The following ADARB2 variants were observed in gnomAD, a reference collection of about 807,000 sequenced individuals.
The protein encoded by ADARB2 is adenosine deaminase RNA specific B2 (inactive).
Under a neutral mutation model 62.2 loss-of-function variants are expected in ADARB2, and 25 were observed. That is an observed-to-expected ratio of 0.40 (90% confidence interval 0.29 to 0.56). The LOEUF is 0.56. Ranked by LOEUF, ADARB2 falls within the 20% of genes least tolerant of loss-of-function variation. The probability of loss-of-function intolerance (pLI) is 0.43; values close to 1 mark genes in which losing one functional copy is unlikely to be tolerated. For missense variants in ADARB2, 1,071 were observed against 1,077.4 expected (o/e 0.99, Z 0.08); for synonymous variants, 572 against 500.8 (o/e 1.14, Z -1.90).
chr10:1,377,037 T>C (rs1832436616), intron 2 of ADARB2, among the ~76,000 whole-genome samples: 1 of 141,858 alleles, frequency 7.0e-6, no homozygotes, highest in South Asian at 2.4e-4. Context: ...GGGGTGTGTG[T>C]GTGCGCATGT....
intron 1 of ADARB2, among the ~76,000 whole-genome samples, chr10:1,601,584 C>T (rs1263964471): frequency 2.6e-5 from 4 of 152,222 alleles, no homozygotes; most frequent in East Asian, 3.9e-4. Flanking sequence ...TTGCATGAAA[C>T]TTGGCATGCT....
intron 8 of ADARB2, among the ~76,000 whole-genome samples, chr10:1,198,869 G>A (rs889863476): frequency 2.6e-5 from 4 of 152,256 alleles, no homozygotes; most frequent in Non-Finnish European, 5.9e-5. Context: ...CCCAGGGAGG[G>A]CAAAACCTGC....
At chr10:1,186,398 A>T in intron 8 of ADARB2, 1 of 475,852 alleles carries the variant, frequency 2.1e-6, no homozygotes, top group South Asian at 1.5e-5. Context: ...CCAGGCTCCC[A>T]CTCACAGCAG....
chr10:1,307,216 G>A (rs1831637788), intron 3 of ADARB2, among the ~76,000 whole-genome samples: 1 of 91,522 alleles, frequency 1.1e-5, no homozygotes, highest in Non-Finnish European at 2.6e-5. Context: ...AATCTACAAT[G>A]AACTCAAACA....
At chr10:1,244,836 C>G (rs1487303534) in intron 4 of ADARB2, among the ~76,000 whole-genome samples, 5 of 152,108 alleles carry the variant, frequency 3.3e-5, no homozygotes, top group Non-Finnish European at 7.3e-5. Flanking sequence ...GCATGGTGGT[C>G]AGAGGCACGG....
intron 1 of ADARB2, among the ~76,000 whole-genome samples, chr10:1,683,830 A>G (rs1291762453): frequency 2.0e-5 from 3 of 152,216 alleles, no homozygotes; most frequent in Non-Finnish European, 4.4e-5. Flanking sequence ...AGAATCACAT[A>G]AGAAGGCGGT....
chr10:1,227,525 G>A (rs1016205365), intron 6 of ADARB2, among the ~76,000 whole-genome samples: 43 of 152,288 alleles, frequency 2.8e-4, no homozygotes, highest in African/African-American at 1.0e-3. Flanking sequence ...GACCGGAGCT[G>A]TTCCTATTCG....
intron 1 of ADARB2, chr10:1,675,490 T>C: frequency 1.0e-6 from 1 of 953,766 alleles, no homozygotes; most frequent in South Asian, 4.8e-5. Context: ...GGTACATGGA[T>C]GTTCTGGAGG....
chr10:1,626,517 C>T (rs906409251), intron 1 of ADARB2, among the ~76,000 whole-genome samples: 1 of 152,244 alleles, frequency 6.6e-6, no homozygotes, highest in Non-Finnish European at 1.5e-5. Context: ...TCCGCAGGTG[C>T]TGCCTGGCCC....
chr10:1,732,353 C>G (rs1316272), intron 1 of ADARB2, among the ~76,000 whole-genome samples: 14,362 of 149,896 alleles, frequency 0.096, 856 homozygotes, highest in East Asian at 0.22. Context: ...TGTTTCCTTA[C>G]GTAATGCGCT....
At chr10:1,252,301 C>G (rs970810613) in intron 4 of ADARB2, among the ~76,000 whole-genome samples, 1 of 152,196 alleles carries the variant, frequency 6.6e-6, no homozygotes, top group Admixed American at 6.5e-5. Flanking sequence ...AATTTTTACT[C>G]CACATGTAGA....
intron 1 of ADARB2, among the ~76,000 whole-genome samples, chr10:1,437,185 A>G (rs1830842565): frequency 6.6e-6 from 1 of 152,210 alleles, no homozygotes; most frequent in Non-Finnish European, 1.5e-5. Context: ...AAAACATTTT[A>G]TATGAATTTG....
chr10:1,281,866 C>T (rs1248508814), intron 3 of ADARB2, among the ~76,000 whole-genome samples: 2 of 152,152 alleles, frequency 1.3e-5, no homozygotes, highest in Non-Finnish European at 2.9e-5. Flanking sequence ...TTATATGAAG[C>T]ATATTTTTCA....
intron 1 of ADARB2, among the ~76,000 whole-genome samples, chr10:1,596,690 G>A (rs758334497): frequency 1.2e-3 from 181 of 152,296 alleles, no homozygotes; most frequent in Non-Finnish European, 2.2e-3. Context: ...GAGGGAATCG[G>A]TGTCACCCGG....
At chr10:1,209,142 G>A (rs1030963925) in intron 7 of ADARB2, among the ~76,000 whole-genome samples, 2 of 152,124 alleles carry the variant, frequency 1.3e-5, no homozygotes, top group African/African-American at 4.8e-5. Flanking sequence ...GGAGACAAAC[G>A]ACTCGTTCAG....
chr10:1,364,330 C>G (rs1298330947), intron 2 of ADARB2, among the ~76,000 whole-genome samples: 2 of 152,240 alleles, frequency 1.3e-5, no homozygotes, highest in Admixed American at 6.5e-5. Flanking sequence ...CAATGCCCCC[C>G]CAATACTGAG....
chr10:1,421,593 T>C (rs181992294), intron 1 of ADARB2, among the ~76,000 whole-genome samples: 72 of 152,266 alleles, frequency 4.7e-4, no homozygotes, highest in Non-Finnish European at 1.5e-5. Flanking sequence ...GTGAACAAAG[T>C]GGACAAAAAT....
intron 1 of ADARB2, among the ~76,000 whole-genome samples, chr10:1,447,540 A>G (rs913240906): frequency 1.3e-4 from 20 of 150,624 alleles, no homozygotes; most frequent in Non-Finnish European, 2.6e-4. Context: ...AAGACAGATC[A>G]TATGTAATTT....
chr10:1,200,921 C>T (rs1026452621), intron 7 of ADARB2, among the ~76,000 whole-genome samples: 5 of 152,198 alleles, frequency 3.3e-5, no homozygotes, highest in African/African-American at 1.2e-4. Context: ...TAACATTTCT[C>T]CACTGTTAGA....
Sources: allele counts gnomAD v4.1 joint callset (sites outside exome capture counted in the v4.1 genomes callset), GRCh38; gene constraint gnomAD v4.1.1; transcripts MANE v1.5; gene names NCBI Gene and HGNC (gene_info 2026-07-23, HGNC 2026-07-21).